Variants in TMEFF2 observed in about 807,000 individuals in gnomAD.
The protein encoded by TMEFF2 is transmembrane protein with EGF like and two follistatin like domains 2, also known as tomoregulin-2.
Under a neutral mutation model 53.8 loss-of-function variants are expected in TMEFF2, and 28 were observed. The observed-to-expected ratio is 0.52, with a 90% CI of 0.39 to 0.71. The LOEUF (loss-of-function observed/expected upper bound fraction) is 0.71, where lower values mean the gene tolerates loss of function less well. Among genes scored for constraint, TMEFF2 ranks in the 30% least tolerant of loss-of-function variants. The pLI is 0.00. For synonymous variants in TMEFF2, 162 were observed against 166.3 expected, an observed-to-expected ratio of 0.97 and a Z score of 0.20; for missense variants, 353 against 455.2, an observed-to-expected ratio of 0.78 and a Z score of 2.04.
At chr2:192,193,743 GAGAGAGAGATAGATAGAT>G (rs1308132104) in intron 1 of TMEFF2, among the ~76,000 whole-genome samples, 689 of 41,064 alleles carry the variant, frequency 0.017, 10 homozygotes, top group African/African-American at 0.049. Flanking sequence ...GAATGAGAGA[GAGAGAGAGATAGATAGAT>G]AGAGAGAGAG....
intron 5 of TMEFF2, chr2:192,037,141 C>G (rs894588642): frequency 2.0e-5 from 3 of 151,964 alleles, no homozygotes; most frequent in Non-Finnish European, 4.4e-5. Context: ...ACTCTAATCT[C>G]TCTTTTGGGG....
intron 4 of TMEFF2, among the ~76,000 whole-genome samples, chr2:192,075,310 T>TATAAATATAA (rs1553518818): frequency 3.3e-4 from 25 of 74,900 alleles, no homozygotes; most frequent in Non-Finnish European, 4.3e-4. Flanking sequence ...TATATATATA[T>TATAAATATAA]ATATATATAT....
At chr2:191,982,600 C>T (rs1277808572) in intron 7 of TMEFF2, among the ~76,000 whole-genome samples, 1 of 151,536 alleles carries the variant, frequency 6.6e-6, no homozygotes, top group Non-Finnish European at 1.5e-5. Flanking sequence ...TGACTTGACA[C>T]CAGTGAACAA....
intron 5 of TMEFF2, chr2:192,032,277 CAG>C (rs557922146): frequency 1.9e-3 from 289 of 152,300 alleles, no homozygotes; most frequent in African/African-American, 6.5e-3. Flanking sequence ...TCATTTAAAA[CAG>C]ACTCAGCCTA....
chr2:192,186,961 C>T (rs577889201), intron 2 of TMEFF2, among the ~76,000 whole-genome samples: 16 of 152,104 alleles, frequency 1.1e-4, no homozygotes, highest in Admixed American at 3.3e-4. Flanking sequence ...AAGCCAAATT[C>T]GAACAGTTCT....
At chr2:191,957,981 T>C (rs1394472418) in intron 7 of TMEFF2, among the ~76,000 whole-genome samples, 1 of 152,252 alleles carries the variant, frequency 6.6e-6, no homozygotes, top group Non-Finnish European at 1.5e-5. Context: ...TGTGGTATAA[T>C]GTTTTTGGTA....
At chr2:192,069,219 G>C (rs2105913947) in intron 4 of TMEFF2, among the ~76,000 whole-genome samples, 1 of 151,662 alleles carries the variant, frequency 6.6e-6, no homozygotes, top group South Asian at 2.1e-4. Context: ...TGCCCCTCAA[G>C]CTCTGGTTTC....
intron 7 of TMEFF2, among the ~76,000 whole-genome samples, chr2:191,966,846 G>A (rs1346911770): frequency 1.3e-5 from 2 of 152,118 alleles, no homozygotes; most frequent in East Asian, 3.8e-4. Context: ...CTAGTGATCA[G>A]TTTGGTTTTC....
intron 4 of TMEFF2, among the ~76,000 whole-genome samples, chr2:192,080,043 T>C (rs948096656): frequency 6.6e-6 from 1 of 152,158 alleles, no homozygotes; most frequent in African/African-American, 2.4e-5. Context: ...GATGACATAG[T>C]CCAATAGAGT....
intron 4 of TMEFF2, among the ~76,000 whole-genome samples, chr2:192,138,034 G>GTC (rs1164230707): frequency 6.6e-6 from 1 of 152,082 alleles, no homozygotes; most frequent in Non-Finnish European, 1.5e-5. Flanking sequence ...GGCCAGGCTG[G>GTC]TCTCAAACTC....
At chr2:192,011,417 A>G (rs895358853) in intron 5 of TMEFF2, among the ~76,000 whole-genome samples, 1 of 152,252 alleles carries the variant, frequency 6.6e-6, no homozygotes, top group Non-Finnish European at 1.5e-5. Flanking sequence ...AGCAGAGAAG[A>G]ATCAGCAAAG....
chr2:192,030,303 GT>G (rs1687096686), intron 5 of TMEFF2: 1 of 152,156 alleles, frequency 6.6e-6, no homozygotes, highest in African/African-American at 2.4e-5. Context: ...ATGTTGATTG[GT>G]GTTCCCTTTC....
At position 191,949,082 on chromosome 2, in the gene TMEFF2, T is replaced by C; in HGVS notation, c.*1229A>G. ...CAAAGAGAGCTTTATTTAAATTTAC[T>C]GTGTTAGCCATGGAAAGCTTTGCAG... is the stretch of plus-strand genomic sequence containing the variant. On this transcript the variant is annotated 3_prime_UTR_variant, in exon 10 of 10. Transcript: ENST00000272771. 1 of 985,208 alleles carries C rather than the reference T, an allele frequency of 1.0e-6. No homozygotes were observed. The allele number at this position is 985,208 out of a possible 1,614,324, so 61.0% of individuals were successfully genotyped here.
intron 4 of TMEFF2, among the ~76,000 whole-genome samples, chr2:192,146,315 T>A (rs1690249607): frequency 6.6e-6 from 1 of 152,018 alleles, no homozygotes; most frequent in African/African-American, 2.4e-5. Context: ...CCTCTGACAT[T>A]TGATTTATTT....
At chr2:192,049,999 T>TCAAA (rs1005951561) in intron 5 of TMEFF2, among the ~76,000 whole-genome samples, 3 of 152,100 alleles carry the variant, frequency 2.0e-5, no homozygotes, top group Non-Finnish European at 2.9e-5. Flanking sequence ...AGACTCCATC[T>TCAAA]CAAACAAACA....
chr2:192,194,888 C>A lies in TMEFF2; in HGVS notation c.-364G>T, dbSNP rs567049361. The A allele has an allele frequency of 4.4e-6, 1 of 227,782 alleles. No homozygotes were observed. Among genetic ancestry groups the A allele is most frequent in the South Asian group, 7.2e-5 (1 of 13,818 alleles). 14.1% of individuals were successfully genotyped at this position (227,782 alleles called of 1,614,324 possible). A position where few individuals can be genotyped will look rare whatever the true frequency, so the allele number is the denominator to read the frequency against. On this transcript the variant is annotated 5_prime_UTR_variant, in exon 1 of 10. Coordinates refer to ENST00000272771, the MANE Select transcript of TMEFF2 (RefSeq NM_016192.4). This position sits in a 1 kb window ranked among gnomAD's most constrained non-coding sequence, Gnocchi z 4.2. ...GGGTGGAGGGAGAGTCAAGGCGCCCCGCAGCCCGGCAGCCGCCTCTCGAGC... is the reference window on the plus strand; with the variant it reads ...GGGTGGAGGGAGAGTCAAGGCGCCCAGCAGCCCGGCAGCCGCCTCTCGAGC...
At chr2:192,019,218 TA>T (rs1686808352) in intron 5 of TMEFF2, among the ~76,000 whole-genome samples, 1 of 152,086 alleles carries the variant, frequency 6.6e-6, no homozygotes, top group African/African-American at 2.4e-5. Flanking sequence ...AGAAGTAGGC[TA>T]TTTTTTTTTA....
intron 4 of TMEFF2, among the ~76,000 whole-genome samples, chr2:192,130,709 C>T (rs547711216): frequency 4.8e-4 from 73 of 152,130 alleles, no homozygotes; most frequent in African/African-American, 1.7e-3. Context: ...CCCTATCTCC[C>T]TTCGCTGACT....
chr2:191,973,405 T>TTA (rs1046205961), intron 7 of TMEFF2, among the ~76,000 whole-genome samples: 5 of 152,124 alleles, frequency 3.3e-5, no homozygotes, highest in African/African-American at 1.2e-4. Context: ...GAATACATAT[T>TTA]TATATATATG....
Sources: gnomAD v4.1 joint callset for allele counts (sites outside exome capture counted in the v4.1 genomes callset) on GRCh38, gnomAD v4.1.1 for gene constraint, Gnocchi (gnomAD v3.1) non-coding constraint, MANE v1.5 for transcripts, NCBI Gene and HGNC (gene_info 2026-07-23, HGNC 2026-07-21) for gene names.